EFNA5: variants seen among roughly 807,000 people sequenced by gnomAD.
EFNA5 encodes the protein ephrin A5.
EFNA5 carries 5 observed loss-of-function variants against 22.9 expected under a neutral mutation model. The observed-to-expected ratio is 0.22, with a 90% CI of 0.11 to 0.46. The LOEUF is 0.46. EFNA5 is among the 20% of genes least tolerant of loss of function. The probability of loss-of-function intolerance (pLI) is 0.99; values close to 1 mark genes in which losing one functional copy is unlikely to be tolerated. For missense variants in EFNA5, 237 were observed against 293.3 expected (o/e 0.81, Z 1.40); for synonymous variants, 113 against 112.2 (o/e 1.01, Z -0.04).
chr5:107,557,497 T>C (rs2112474062), intron 1 of EFNA5, among the ~76,000 whole-genome samples: 1 of 152,336 alleles, frequency 6.6e-6, no homozygotes, highest in South Asian at 2.1e-4. Flanking sequence ...CTGCGGTGCC[T>C]GGGGCAATGT....
At chr5:107,630,769 C>T (rs1363273237) in intron 1 of EFNA5, among the ~76,000 whole-genome samples, 3 of 151,994 alleles carry the variant, frequency 2.0e-5, no homozygotes, top group Non-Finnish European at 4.4e-5. Context: ...TTTTGTAATA[C>T]CACTTAGCTT....
chr5:107,522,271 T>C lies in EFNA5; in HGVS notation c.126-94762A>G, dbSNP rs12152841. ...CTGTACATGTTTTATTAGTCACCCATCAAATTTTGTGATACAAGGAAATGT... is the reference window on the plus strand; with the variant it reads ...CTGTACATGTTTTATTAGTCACCCACCAAATTTTGTGATACAAGGAAATGT... On this transcript the variant is annotated intron_variant, in intron 1 of 4. Transcript: ENST00000333274. 1.6e-3 allele frequency among the ~76,000 whole-genome samples: 246 copies of C among 152,328 alleles called. 1 individual carries two copies. Among genetic ancestry groups the C allele is most frequent in the Non-Finnish European group, 2.7e-3 (186 of 68,028 alleles).
chr5:107,665,144 C>A lies in EFNA5; in HGVS notation c.125+5345G>T, dbSNP rs1037695176. ...GTAAATTTTCTGGCATATACTTATC[C>A]CAAGCTAGCAAAGGCCAGAACTCCT... On this transcript the variant is annotated intron_variant, in intron 1 of 4. Transcript: ENST00000333274. 5.9e-5 allele frequency among the ~76,000 whole-genome samples: 9 copies of A among 152,048 alleles called. 1 individual carries two copies. The highest frequency in any genetic ancestry group is 3.3e-4 in the Admixed American group (5 of 15,258).
At position 107,637,072 on chromosome 5, in the gene EFNA5, G is replaced by A. The variant is rs1041338978; in HGVS notation, c.125+33417C>T. ...TGACCATGACAAATACCTAAATGCT[G>A]AACTAAGCAAGAATTCTAACCCTAA... On this transcript the variant is annotated intron_variant, in intron 1 of 4. Coordinates refer to ENST00000333274, the MANE Select transcript of EFNA5 (RefSeq NM_001962.3). Among the ~76,000 whole-genome samples, 14 of 152,080 alleles carry A rather than the reference G, an allele frequency of 9.2e-5. No homozygotes were observed. The East Asian group carries it at 1.7e-3, about 19-fold the overall frequency.
At chr5:107,572,144 G>A (rs576329929) in intron 1 of EFNA5, among the ~76,000 whole-genome samples, 1 of 152,080 alleles carries the variant, frequency 6.6e-6, no homozygotes, top group South Asian at 2.1e-4. Flanking sequence ...CGTGCGTGAT[G>A]TGAGTTACTC....
intron 1 of EFNA5, among the ~76,000 whole-genome samples, chr5:107,573,627 C>T (rs1420274162): frequency 6.6e-6 from 1 of 152,058 alleles, no homozygotes; most frequent in Non-Finnish European, 1.5e-5. Context: ...ACAACAGCGG[C>T]TTTTATTCAC....
intron 4 of EFNA5, among the ~76,000 whole-genome samples, chr5:107,383,003 C>T (rs567148899): frequency 4.6e-5 from 7 of 152,306 alleles, no homozygotes; most frequent in Admixed American, 6.5e-5. Context: ...GAATCACACT[C>T]GCTAATATTT....
chr5:107,398,693 A>T (rs944253912), intron 2 of EFNA5, among the ~76,000 whole-genome samples: 12 of 151,748 alleles, frequency 7.9e-5, no homozygotes, highest in African/African-American at 2.9e-4. Context: ...TATAAAAAAA[A>T]ATTTTTTTTT....
At chr5:107,634,889 T>G (rs1456819069) in intron 1 of EFNA5, among the ~76,000 whole-genome samples, 1 of 152,176 alleles carries the variant, frequency 6.6e-6, no homozygotes, top group Non-Finnish European at 1.5e-5. Flanking sequence ...TAGATACCAG[T>G]AAGGATGTTG....
At chr5:107,536,100 A>T (rs552298144) in intron 1 of EFNA5, among the ~76,000 whole-genome samples, 1 of 152,344 alleles carries the variant, frequency 6.6e-6, no homozygotes, top group African/African-American at 2.4e-5. Context: ...GACTGATATG[A>T]GGGAGGCATT....
At chr5:107,563,432 A>T (rs959703724) in intron 1 of EFNA5, among the ~76,000 whole-genome samples, 1 of 151,776 alleles carries the variant, frequency 6.6e-6, no homozygotes, top group South Asian at 2.1e-4. Context: ...AAAAGTTATT[A>T]TTATTATTAT....
At chr5:107,468,006 C>T (rs571435273) in intron 1 of EFNA5, among the ~76,000 whole-genome samples, 3 of 152,264 alleles carry the variant, frequency 2.0e-5, no homozygotes, top group East Asian at 1.9e-4. Flanking sequence ...TATGACATAG[C>T]ATTTTGTTCT....
intron 1 of EFNA5, among the ~76,000 whole-genome samples, chr5:107,523,966 G>A (rs1747646204): frequency 6.6e-6 from 1 of 152,166 alleles, no homozygotes; most frequent in Admixed American, 6.5e-5. Flanking sequence ...AAAGTATCAG[G>A]TTGGGTTCTG....
chr5:107,656,556 T>C (rs949946981), intron 1 of EFNA5, among the ~76,000 whole-genome samples: 2 of 152,128 alleles, frequency 1.3e-5, no homozygotes, highest in Non-Finnish European at 1.5e-5. Context: ...CCAGAATATA[T>C]ATAAAGTGAG....
chr5:107,670,526 C>T lies in EFNA5; in HGVS notation c.88G>A (p.Asp30Asn), dbSNP rs370590979. The T allele has an allele frequency of 6.3e-7, 1 of 1,582,100 alleles. No individual in the cohort carries two copies. The highest frequency in any genetic ancestry group is 8.6e-7 in the Non-Finnish European group (1 of 1,163,448). ...SQDPGSKAVA[D>N]RYAVYWNSSN... ...CTGTTCCAGTAGACAGCGTAGCGGT[C>T]GGCGACGGCCTTGGAGCCCGGGTCC... The change falls in exon 1 of 5, where the codon GAC becomes AAC. Residue 30 changes from aspartate (D) to asparagine (N), a missense_variant. Coordinates refer to ENST00000333274, the MANE Select transcript of EFNA5 (RefSeq NM_001962.3).
chr5:107,388,670 C>T (rs1178186256), intron 2 of EFNA5: 1 of 152,166 alleles, frequency 6.6e-6, no homozygotes, highest in Non-Finnish European at 1.5e-5. Flanking sequence ...CATGTATTTA[C>T]TAATGCATCC....
At chr5:107,667,348 T>C (rs1751098971) in intron 1 of EFNA5, among the ~76,000 whole-genome samples, 1 of 152,056 alleles carries the variant, frequency 6.6e-6, no homozygotes, top group African/African-American at 2.4e-5. Context: ...CCTGGGTACA[T>C]AGATTGTAAC....
chr5:107,522,186 G>T (rs1747612316), intron 1 of EFNA5, among the ~76,000 whole-genome samples: 1 of 152,128 alleles, frequency 6.6e-6, no homozygotes, highest in Non-Finnish European at 1.5e-5. Flanking sequence ...ATATGAATTT[G>T]TACTCACTAG....
At chr5:107,502,650 C>G (rs1372584062) in intron 1 of EFNA5, among the ~76,000 whole-genome samples, 1 of 152,150 alleles carries the variant, frequency 6.6e-6, no homozygotes, top group African/African-American at 2.4e-5. Context: ...GAGAACGTGG[C>G]CGTGCTCGAA....
Sources: allele counts gnomAD v4.1 joint callset (sites outside exome capture counted in the v4.1 genomes callset), GRCh38; gene constraint gnomAD v4.1.1; transcripts MANE v1.5; gene names NCBI Gene and HGNC (gene_info 2026-07-23, HGNC 2026-07-21).